The following UBE2E2 variants were observed in gnomAD, a reference collection of about 807,000 sequenced individuals.
The protein encoded by UBE2E2 is ubiquitin conjugating enzyme E2 E2.
In UBE2E2, 6 loss-of-function variants were observed where a neutral mutation model predicts 24.7. The ratio of observed to expected loss-of-function variants is 0.24; its 90% CI spans 0.13 to 0.48. The LOEUF is 0.48. UBE2E2 is among the 20% of genes least tolerant of loss of function. The pLI is 0.99. For missense variants in UBE2E2, 169 were observed against 245.0 expected (o/e 0.69, Z 2.07); for synonymous variants, 104 against 83.6 (o/e 1.24, Z -1.33).
chr3:23,436,189 AT>A (rs60552304), intron 3 of UBE2E2, among the ~76,000 whole-genome samples: 82,477 of 151,658 alleles, frequency 0.54, 22,791 homozygotes, highest in South Asian at 0.6. Context: ...GGGTTAGATC[AT>A]TCAAGGCCTT....
chr3:23,524,062 T>A (rs1374846901), intron 4 of UBE2E2, among the ~76,000 whole-genome samples: 1 of 152,150 alleles, frequency 6.6e-6, no homozygotes, highest in Non-Finnish European at 1.5e-5. Flanking sequence ...TATGTCCTTA[T>A]CAAAATTTTT....
chr3:23,444,444 CA>C (rs778913934), intron 3 of UBE2E2, among the ~76,000 whole-genome samples: 1 of 152,180 alleles, frequency 6.6e-6, no homozygotes, highest in African/African-American at 2.4e-5. Flanking sequence ...CTGGTGGAAA[CA>C]ATCACCCCTT....
chr3:23,362,548 G>A (rs1156473272), intron 3 of UBE2E2, among the ~76,000 whole-genome samples: 1 of 152,156 alleles, frequency 6.6e-6, no homozygotes, highest in African/African-American at 2.4e-5. Context: ...TAGTGGTCCT[G>A]CTTCTGTCTG....
chr3:23,392,661 C>T (rs552771673), intron 3 of UBE2E2, among the ~76,000 whole-genome samples: 1 of 152,108 alleles, frequency 6.6e-6, no homozygotes, highest in East Asian at 1.9e-4. Flanking sequence ...ATTAAATAAA[C>T]AAATATATGA....
chr3:23,217,233 A>T (rs760335118), intron 2 of UBE2E2, 29 bp from the exon 3 acceptor site: 1 of 1,589,182 alleles, frequency 6.3e-7, no homozygotes, highest in Non-Finnish European at 8.6e-7. Flanking sequence ...GATATTTTTA[A>T]CATAATGTTC....
rs115522656 is a variant in UBE2E2, at chr3:23,250,894, G to T, written c.227+33582G>T. On this transcript the variant is annotated intron_variant, in intron 3 of 5. Coordinates refer to ENST00000396703, the MANE Select transcript of UBE2E2 (RefSeq NM_152653.4). ...TTTATTGGAGACAGAGTCGCACTCT[G>T]TCGCCCAGGCTGGCATGCACTAGCA... 7.9e-3 allele frequency among the ~76,000 whole-genome samples: 1,200 copies of T among 152,252 alleles called. 16 individuals are homozygous for T. The highest frequency in any genetic ancestry group is 0.028 in the African/African-American group (1,147 of 41,548).
intron 3 of UBE2E2, among the ~76,000 whole-genome samples, chr3:23,311,317 T>A (rs10451986): frequency 0.33 from 50,165 of 152,086 alleles, 8,482 homozygotes; most frequent in South Asian, 0.38. Flanking sequence ...GCAATAAACA[T>A]ACGTGTGCAT....
At chr3:23,582,956 G>GT (rs1696522599) in intron 5 of UBE2E2, among the ~76,000 whole-genome samples, 1 of 151,060 alleles carries the variant, frequency 6.6e-6, no homozygotes, top group Admixed American at 6.6e-5. Flanking sequence ...GTCAATTTTT[G>GT]TTTTTGTCGT....
At chr3:23,406,987 G>C (rs954723111) in intron 3 of UBE2E2, among the ~76,000 whole-genome samples, 3 of 152,168 alleles carry the variant, frequency 2.0e-5, no homozygotes, top group Non-Finnish European at 2.9e-5. Context: ...GGGTCCACAG[G>C]AAAGCCCATT....
At chr3:23,516,845 A>G (rs1224310283) in intron 4 of UBE2E2, among the ~76,000 whole-genome samples, 2 of 152,176 alleles carry the variant, frequency 1.3e-5, no homozygotes, top group Admixed American at 1.3e-4. Flanking sequence ...AAAGCCATCC[A>G]TCTAATTGTG....
chr3:23,206,716 A>G (rs1315466114), intron 1 of UBE2E2, among the ~76,000 whole-genome samples: 1 of 152,228 alleles, frequency 6.6e-6, no homozygotes, highest in Non-Finnish European at 1.5e-5. Context: ...CAAAAATTTC[A>G]GTCCATTAAA....
chr3:23,486,207 T>G (rs1313347490), intron 3 of UBE2E2, among the ~76,000 whole-genome samples: 1 of 152,130 alleles, frequency 6.6e-6, no homozygotes, highest in Non-Finnish European at 1.5e-5. Flanking sequence ...GTACACTGGC[T>G]TCAGTGGCAG....
chr3:23,314,808 A>C (rs1347538351), intron 3 of UBE2E2, among the ~76,000 whole-genome samples: 2 of 152,190 alleles, frequency 1.3e-5, no homozygotes, highest in Non-Finnish European at 2.9e-5. Flanking sequence ...CACTGAAAAG[A>C]CTGCTGTCAG....
At chr3:23,463,187 C>T (rs1284314088) in intron 3 of UBE2E2, among the ~76,000 whole-genome samples, 1 of 151,648 alleles carries the variant, frequency 6.6e-6, no homozygotes, top group Non-Finnish European at 1.5e-5. Flanking sequence ...CCCCTTAAAA[C>T]ATTAATTCTT....
intron 2 of UBE2E2, among the ~76,000 whole-genome samples, chr3:23,209,822 G>A (rs1379676791): frequency 6.6e-6 from 1 of 152,170 alleles, no homozygotes; most frequent in Non-Finnish European, 1.5e-5. Context: ...CTTGGTGAGA[G>A]ATGTTGGAGG....
chr3:23,576,989 C>G (rs904553925), intron 5 of UBE2E2, among the ~76,000 whole-genome samples: 1 of 151,792 alleles, frequency 6.6e-6, no homozygotes, highest in African/African-American at 2.4e-5. Flanking sequence ...TTTCCAACAG[C>G]GTGTGCTCTT....
intron 3 of UBE2E2, among the ~76,000 whole-genome samples, chr3:23,379,418 C>T (rs1466676032): frequency 2.8e-5 from 4 of 144,012 alleles, no homozygotes; most frequent in Non-Finnish European, 4.5e-5. Context: ...CAACAGTCCC[C>T]AGAGTATGAT....
intron 3 of UBE2E2, among the ~76,000 whole-genome samples, chr3:23,345,508 AT>A (rs1695529150): frequency 6.6e-6 from 1 of 152,210 alleles, no homozygotes; most frequent in African/African-American, 2.4e-5. Flanking sequence ...TAATTATCAC[AT>A]AACCAACACC....
intron 3 of UBE2E2, among the ~76,000 whole-genome samples, chr3:23,419,894 G>C (rs1201886467): frequency 2.0e-5 from 3 of 152,160 alleles, no homozygotes; most frequent in Non-Finnish European, 2.9e-5. Context: ...CAGGTCTGCA[G>C]AAGTCCAAGG....
Sources: allele counts gnomAD v4.1 joint callset (sites outside exome capture counted in the v4.1 genomes callset), GRCh38; gene constraint gnomAD v4.1.1; transcripts MANE v1.5; gene names NCBI Gene and HGNC (gene_info 2026-07-23, HGNC 2026-07-21).